DNAH17: variants seen among roughly 807,000 people sequenced by gnomAD.
DNAH17 encodes the protein dynein axonemal heavy chain 17, also known as axonemal beta dynein heavy chain 17.
Under a neutral mutation model 485.6 loss-of-function variants are expected in DNAH17, and 376 were observed. That is an observed-to-expected ratio of 0.77 (90% CI 0.71 to 0.84). The LOEUF (loss-of-function observed/expected upper bound fraction) is 0.84. DNAH17 is among the 40% of genes least tolerant of loss of function. The probability of loss-of-function intolerance (pLI) is 0.00; values close to 1 mark genes in which losing one functional copy is unlikely to be tolerated. For synonymous variants in DNAH17, 3,031 were observed against 2,405.9 expected (o/e 1.26, Z -7.60); for missense variants, 6,370 against 5,839.3 (o/e 1.09, Z -2.96).
Position 78,543,984 on chromosome 17 carries a change from T to A in DNAH17, c.2405A>T (p.Asn802Ile), listed in dbSNP as rs749417741. Reference sequence around the variant, plus strand: ...ATTGTCCTTTCTTTCAAACAGCGGGTTGGCCGACCAGTCCTGGAAGGAAAG... The same window carrying A: ...ATTGTCCTTTCTTTCAAACAGCGGGATGGCCGACCAGTCCTGGAAGGAAAG... The part of the protein sequence containing the change: ...ISQAMKDWSA[N>I]PLFERKDNKK... The change falls in exon 17 of 81, where the codon AAC becomes ATC. Residue 802 changes from asparagine to isoleucine, a missense_variant. By Grantham distance (149) the Asn-to-Ile change is moderately radical (BLOSUM62 -3). Transcript: ENST00000389840. The A allele has an allele frequency of 3.1e-6, 5 of 1,614,020 alleles. No individual in the cohort carries two copies. Among genetic ancestry groups the A allele is most frequent in the Non-Finnish European group, 4.2e-6 (5 of 1,179,880 alleles).
At position 78,514,967 on chromosome 17, in the gene DNAH17, T is replaced by C. The variant is rs1270319540; in HGVS notation, c.3920A>G (p.Glu1307Gly). Residue 1307 changes from glutamate to glycine, a missense_variant, in exon 26 of 81, where the codon GAG (glutamate) becomes GGG (glycine). By Grantham distance (98) the Glu-to-Gly change is moderately conservative. Coordinates refer to ENST00000389840, the MANE Select transcript of DNAH17 (RefSeq NM_173628.4). ...CTTCTTACAATCTATGTCCATCTGC[T>C]CAACGTTGATATCTTTCCACTTGGT... ...KTTKWKDINV[E>G]QMDIDCKKFA... The C allele has an allele frequency of 1.2e-6, 2 of 1,614,028 alleles. No individual in the cohort carries two copies. Among genetic ancestry groups the C allele is most frequent in the Non-Finnish European group, 1.7e-6 (2 of 1,179,892 alleles).
At position 78,455,671 on chromosome 17, in the gene DNAH17, G is replaced by C. The variant is rs2087762428; in HGVS notation, c.10143C>G (p.Phe3381Leu). 6.4e-7 allele frequency: 1 copy of C among 1,562,906 alleles called. No individual in the cohort carries two copies. The highest frequency in any genetic ancestry group is 1.9e-5 in the Admixed American group (1 of 52,026). Residue 3381 changes from phenylalanine (F) to leucine (L), a missense_variant, in exon 63 of 81, where the codon TTC becomes TTG. Phe to Leu is a conservative substitution (Grantham distance 22). Transcript: ENST00000389840. ...KKYRNELMEK[F>L]WIPYIHNLKV... ...TTAAGTTATGTATGTAAGGGATCCA[G>C]AATTTCTCCATCAGCTCATTCCGGT...
intron 79 of DNAH17, 137 bp downstream of exon 79, chr17:78,426,320 G>C (rs995704951): frequency 9.0e-7 from 1 of 1,109,554 alleles, no homozygotes; most frequent in Non-Finnish European, 1.2e-6. Flanking sequence ...AGGCCCTTCT[G>C]GCCCTGATCT....
chr17:78,570,888 AAAG>A (rs1465476419), intron 6 of DNAH17, 57 bp downstream of exon 6: 75 of 914,966 alleles, frequency 8.2e-5, no homozygotes, highest in South Asian at 6.4e-4. Context: ...AGAAAAAAGA[AAAG>A]AAAAGAAAAG....
At chr17:78,478,259 TTATCATCTCCACCAC>T (rs2146609519) in intron 51 of DNAH17, among the ~76,000 whole-genome samples, 1 of 109,802 alleles carries the variant, frequency 9.1e-6, no homozygotes, top group South Asian at 3.3e-4. Flanking sequence ...ACCATCACCA[TTATCATCTCCACCAC>T]CATCACCATT....
intron 62 of DNAH17, among the ~76,000 whole-genome samples, chr17:78,457,177 C>A (rs565901790): frequency 1.1e-3 from 160 of 152,258 alleles, no homozygotes; most frequent in Non-Finnish European, 1.9e-3. Flanking sequence ...TCGAGACCAC[C>A]CCGGCCAACA....
At chr17:78,451,389 G>T in intron 66 of DNAH17, 80 bp downstream of exon 66, 2 of 1,371,006 alleles carry the variant, frequency 1.5e-6, no homozygotes, top group South Asian at 1.4e-5. Flanking sequence ...GGCAGCCCTG[G>T]TCGGGGACCC....
At chr17:78,432,229 A>G (rs963282567) in intron 75 of DNAH17, among the ~76,000 whole-genome samples, 25 of 151,960 alleles carry the variant, frequency 1.6e-4, no homozygotes, top group African/African-American at 5.6e-4. Flanking sequence ...TAAAAAAAAA[A>G]TTCTAGCCAG....
At chr17:78,463,393 T>C (rs972934882) in intron 56 of DNAH17, among the ~76,000 whole-genome samples, 2 of 152,216 alleles carry the variant, frequency 1.3e-5, no homozygotes, top group East Asian at 1.9e-4. Context: ...CCTGCATATA[T>C]ACGCGTGCAC....
intron 33 of DNAH17, 196 bp downstream of exon 33, chr17:78,502,395 C>T (rs533119585): frequency 2.2e-4 from 113 of 504,558 alleles, no homozygotes; most frequent in African/African-American, 1.8e-3. Flanking sequence ...GTCTGTTACT[C>T]GTGGGGAGAG....
intron 25 of DNAH17, among the ~76,000 whole-genome samples, chr17:78,522,025 C>G (rs2090947011): frequency 6.6e-6 from 1 of 152,164 alleles, no homozygotes; most frequent in Non-Finnish European, 1.5e-5. Flanking sequence ...CAGCGAAATA[C>G]CCTGTTAAGA....
At chr17:78,445,418 T>C (rs940409920) in intron 70 of DNAH17, 140 bp downstream of exon 70, 28 of 1,217,378 alleles carry the variant, frequency 2.3e-5, no homozygotes, top group Admixed American at 5.5e-5. Context: ...TCTCCATCCC[T>C]ATGTGCGGGG....
In DNAH17 at chr17:78,458,628, G is replaced by A; in HGVS notation, c.9914C>T (p.Ala3305Val). ...CTCTTGCTGACACTTGATTTTCTCA[G>A]CTGTTGCTTTTTCAAACGCTGAGGT... ...NLTSAFEKAT[A>V]EKIKCQQEAD... The change falls in exon 62 of 81, where the codon GCT (alanine) becomes GTT (valine). Residue 3305 changes from alanine to valine, a missense_variant. Physicochemically the swap from Ala to Val is moderately conservative, Grantham distance 64. Transcript: ENST00000389840. 2.5e-6 allele frequency: 4 copies of A among 1,614,058 alleles called. No individual in the cohort carries two copies. The highest frequency in any genetic ancestry group is 1.6e-4 in the Middle Eastern group (1 of 6,062).
chr17:78,437,884 G>T lies in DNAH17; in HGVS notation c.11806-16C>A. The T allele has an allele frequency of 6.3e-7, 1 of 1,591,666 alleles. No individual in the cohort carries two copies. The highest frequency in any genetic ancestry group is 8.6e-7 in the Non-Finnish European group (1 of 1,164,968). On this transcript the variant is annotated splice_polypyrimidine_tract_variant and intron_variant, in intron 73 of 80. Coordinates refer to ENST00000389840, the MANE Select transcript of DNAH17 (RefSeq NM_173628.4). ...GGTGGATATTCTGCAGCCAAGACTA[G>T]AGGCTGGTTACACACTTTGCCCAGC... is the stretch of plus-strand genomic sequence containing the variant.
chr17:78,541,784 T>C (rs1330205985), intron 17 of DNAH17, among the ~76,000 whole-genome samples: 2 of 152,098 alleles, frequency 1.3e-5, no homozygotes, highest in Admixed American at 6.5e-5. Context: ...CTAAGTCAAA[T>C]CTCTCTCCTG....
chr17:78,484,116 A>G (rs1241291166), intron 48 of DNAH17, among the ~76,000 whole-genome samples: 2 of 150,354 alleles, frequency 1.3e-5, no homozygotes, highest in East Asian at 3.9e-4. Context: ...AAAAAAAAAA[A>G]AAAAAAAAAG....
chr17:78,472,326 A>AGGATTAGGGTTAGGGAG (rs1448169449), intron 54 of DNAH17, among the ~76,000 whole-genome samples: 1 of 93,182 alleles, frequency 1.1e-5, no homozygotes, highest in African/African-American at 4.7e-5. Flanking sequence ...GGGTTAGGGA[A>AGGATTAGGGTTAGGGAG]TGGGGGTGCG....
At position 78,484,977 on chromosome 17, in the gene DNAH17, T is replaced by A. The variant is rs1458210319; in HGVS notation, c.7540A>T (p.Thr2514Ser). ...TCGATGAAGTAGACGAGCTTCTTAG[T>A]GCCTGGCGGCCCGTAGTTCCTCCCC... The part of the protein sequence containing the change: ...KSGRNYGPPG[T>S]KKLVYFIDDM... The change falls in exon 48 of 81, where the codon ACT becomes TCT. Residue 2514 changes from threonine (T) to serine (S), a missense_variant. Coordinates refer to ENST00000389840, the MANE Select transcript of DNAH17 (RefSeq NM_173628.4). 1 of 1,613,546 alleles carries A rather than the reference T, an allele frequency of 6.2e-7. No homozygotes were observed. The highest frequency in any genetic ancestry group is 8.5e-7 in the Non-Finnish European group (1 of 1,179,710).
Position 78,468,700 on chromosome 17 carries a change from G to T in DNAH17, c.8695C>A (p.Pro2899Thr), listed in dbSNP as rs762417587. Residue 2899 changes from proline to threonine, a missense_variant, in exon 55 of 81, where the codon CCC becomes ACC. Physicochemically the swap from Pro to Thr is conservative, Grantham distance 38. Coordinates refer to ENST00000389840, the MANE Select transcript of DNAH17 (RefSeq NM_173628.4). ...TTCATGCCAAGGGACTTGACTTGGG[G>T]TCGCATGGAGGAGATGATGTTCTCC... ...EVENIISSMR[P>T]QVKSLGMNDT... The T allele has an allele frequency of 6.2e-7, 1 of 1,614,014 alleles. No homozygotes were observed. Among genetic ancestry groups the T allele is most frequent in the South Asian group, 1.1e-5 (1 of 91,078 alleles).
Sources: allele counts gnomAD v4.1 joint callset (sites outside exome capture counted in the v4.1 genomes callset), GRCh38; gene constraint gnomAD v4.1.1; transcripts MANE v1.5; gene names NCBI Gene and HGNC (gene_info 2026-07-23, HGNC 2026-07-21).